Variants in NCAM2 observed in about 807,000 individuals in gnomAD.
NCAM2 encodes the protein neural cell adhesion molecule 2, also known as N-CAM-2.
NCAM2 carries 30 observed loss-of-function variants against 98.1 expected under a neutral mutation model. The observed-to-expected ratio is 0.31, with a 90% CI of 0.23 to 0.41. The LOEUF is 0.41. Among genes scored for constraint, NCAM2 ranks in the 10% least tolerant of loss-of-function variants. The probability of loss-of-function intolerance (pLI) is 1.00; values close to 1 mark genes in which losing one functional copy is unlikely to be tolerated. For missense variants in NCAM2, 867 were observed against 1,005.8 expected, an observed-to-expected ratio of 0.86 and a Z score of 1.87; for synonymous variants, 368 against 342.4, an observed-to-expected ratio of 1.07 and a Z score of -0.83.
At chr21:21,043,726 G>A (rs887242148) in intron 1 of NCAM2, among the ~76,000 whole-genome samples, 16 of 151,702 alleles carry the variant, frequency 1.1e-4, no homozygotes, top group African/African-American at 3.9e-4. Context: ...GTGGTGGCGG[G>A]CGCCTGTAGT....
At position 21,210,621 on chromosome 21, in the gene NCAM2, C is replaced by G. The variant is rs2069614328; in HGVS notation, c.56-69957C>G. ...TTGATTATCACAACAGGCAAGGTCTCTTTGTTGACTGGAAATACAACGAAG... is the reference window on the plus strand; with the variant it reads ...TTGATTATCACAACAGGCAAGGTCTGTTTGTTGACTGGAAATACAACGAAG... On this transcript the variant is annotated intron_variant, in intron 1 of 17. Coordinates refer to ENST00000400546, the MANE Select transcript of NCAM2 (RefSeq NM_004540.5). 5 of 1,287,268 alleles carry G rather than the reference C, an allele frequency of 3.9e-6. No homozygotes were observed. In the Admixed American group the frequency reaches 6.9e-5, roughly 18 times the overall value. The allele number at this position is 1,287,268 out of a possible 1,614,324, so 79.7% of individuals were successfully genotyped here.
chr21:21,409,995 T>G (rs1399357818), intron 9 of NCAM2, among the ~76,000 whole-genome samples: 1 of 152,030 alleles, frequency 6.6e-6, no homozygotes, highest in Non-Finnish European at 1.5e-5. Flanking sequence ...TAGCCTGGCT[T>G]GGTGGCGGGC....
intron 16 of NCAM2, among the ~76,000 whole-genome samples, chr21:21,520,880 G>A (rs1240894521): frequency 6.6e-6 from 1 of 151,278 alleles, no homozygotes; most frequent in Non-Finnish European, 1.5e-5. Flanking sequence ...AAAACTCCAG[G>A]ATGACTTAGT....
Position 21,108,971 on chromosome 21 carries a change from A to G in NCAM2, c.55+110353A>G, listed in dbSNP as rs934253260. On this transcript the variant is annotated intron_variant, in intron 1 of 17. Transcript: ENST00000400546. ...AGGAGTCCATATTTTCATTGACTACAGTTATGATAATGGTTTCTAGTTTTA... is the reference window on the plus strand; with the variant it reads ...AGGAGTCCATATTTTCATTGACTACGGTTATGATAATGGTTTCTAGTTTTA... 4.8e-4 allele frequency among the ~76,000 whole-genome samples: 73 copies of G among 152,306 alleles called. 1 individual carries two copies. Among genetic ancestry groups the G allele is most frequent in the African/African-American group, 1.7e-3 (70 of 41,584 alleles).
chr21:21,494,907 A>AT (rs35498969), intron 15 of NCAM2, among the ~76,000 whole-genome samples: 145,969 of 151,634 alleles, frequency 0.96, 70,495 homozygotes, highest in East Asian at 1. Flanking sequence ...TTTTTAGCCA[A>AT]TTTTTTTCAA....
intron 1 of NCAM2, among the ~76,000 whole-genome samples, chr21:21,209,928 A>G (rs1198747423): frequency 6.6e-6 from 1 of 152,146 alleles, no homozygotes; most frequent in Non-Finnish European, 1.5e-5. Context: ...AACATCCCGG[A>G]AAACTTGTCC....
intron 15 of NCAM2, among the ~76,000 whole-genome samples, chr21:21,486,287 G>A (rs1367504271): frequency 3.3e-5 from 4 of 122,290 alleles, no homozygotes; most frequent in African/African-American, 6.5e-5. Context: ...CTGGGCAACA[G>A]AGCGAGACTC....
chr21:21,210,736 A>C (rs2069620153), intron 1 of NCAM2: 34 of 976,456 alleles, frequency 3.5e-5, no homozygotes, highest in Non-Finnish European at 4.5e-5. Context: ...AAGGAATGTC[A>C]AAATGTCATT....
Position 21,335,535 on chromosome 21 carries a change from G to A in NCAM2, c.768G>A (p.Lys256=), listed in dbSNP as rs201388906. 3.1e-6 allele frequency: 5 copies of A among 1,604,874 alleles called. No individual in the cohort carries two copies. The Admixed American group carries it at 5.1e-5, about 16-fold the overall frequency. ...GCAAGCTCATTGAAGAAAATGAGAA[G>A]TACATATTGAAAGGGAGCAATACAG... ...RNGKLIEENE[K]YILKGSNTEL... is the part of the protein sequence containing the mutation. The change falls in exon 7 of 18, where the codon AAG becomes AAA. Residue 256 remains lysine (K), a synonymous_variant. Coordinates refer to ENST00000400546, the MANE Select transcript of NCAM2 (RefSeq NM_004540.5).
chr21:21,102,655 G>T (rs1270325326), intron 1 of NCAM2, among the ~76,000 whole-genome samples: 1 of 58,626 alleles, frequency 1.7e-5, no homozygotes, highest in East Asian at 4.7e-4. Flanking sequence ...TACTTGAGTT[G>T]TTAACATATG....
At chr21:21,334,121 T>C (rs990053820) in intron 6 of NCAM2, among the ~76,000 whole-genome samples, 57 of 152,146 alleles carry the variant, frequency 3.7e-4, no homozygotes, top group African/African-American at 1.3e-3. Context: ...TTAGTAGAGA[T>C]GGAGTTTCAC....
intron 1 of NCAM2, among the ~76,000 whole-genome samples, chr21:21,101,383 ATAACT>A (rs575730398): frequency 7.2e-4 from 109 of 152,148 alleles, no homozygotes; most frequent in Non-Finnish European, 1.2e-3. Flanking sequence ...TGTGATTTTG[ATAACT>A]TAAGATACTA....
chr21:21,412,448 G>A (rs1436998520), intron 10 of NCAM2, among the ~76,000 whole-genome samples: 3 of 152,156 alleles, frequency 2.0e-5, no homozygotes, highest in Admixed American at 1.3e-4. Context: ...ATTGAATTTC[G>A]TGAGTAAATG....
chr21:21,354,066 A>G (rs1205420469), intron 8 of NCAM2, among the ~76,000 whole-genome samples: 1 of 152,200 alleles, frequency 6.6e-6, no homozygotes, highest in Admixed American at 6.5e-5. Context: ...CATAACAGTA[A>G]GTAATTTTAT....
intron 1 of NCAM2, among the ~76,000 whole-genome samples, chr21:21,220,472 C>G (rs1477863921): frequency 1.3e-5 from 2 of 152,060 alleles, no homozygotes; most frequent in Non-Finnish European, 2.9e-5. Flanking sequence ...TTGTAGTACA[C>G]TATAGTGTCT....
intron 11 of NCAM2, 28 bp from the exon 12 acceptor site, chr21:21,432,080 T>A: frequency 6.2e-7 from 1 of 1,602,116 alleles, no homozygotes; most frequent in Non-Finnish European, 8.5e-7. Flanking sequence ...CCCTTGGTTA[T>A]GTTTTCTTTA....
At chr21:21,353,639 T>C (rs2075398886) in intron 8 of NCAM2, among the ~76,000 whole-genome samples, 1 of 152,202 alleles carries the variant, frequency 6.6e-6, no homozygotes, top group Non-Finnish European at 1.5e-5. Flanking sequence ...ATAGATTTCT[T>C]ATATCATCAT....
At chr21:21,512,232 G>A (rs764566640) in intron 16 of NCAM2, among the ~76,000 whole-genome samples, 7 of 151,964 alleles carry the variant, frequency 4.6e-5, no homozygotes, top group East Asian at 3.9e-4. Context: ...TTTGGTCTTC[G>A]ATTTAAGTCA....
At position 21,349,917 on chromosome 21, in the gene NCAM2, T is replaced by C. The variant is rs117394274; in HGVS notation, c.1044+11383T>C. 3.3e-3 allele frequency among the ~76,000 whole-genome samples: 508 copies of C among 152,236 alleles called. 4 individuals are homozygous for C. Among genetic ancestry groups the C allele is most frequent in the Non-Finnish European group, 6.3e-3 (428 of 67,988 alleles). ...AGATAATAGAAGAATGGTAACCAGA[T>C]GATGGGAAGTATAGTGAGGTGGGGC... is the stretch of plus-strand genomic sequence containing the variant. On this transcript the variant is annotated intron_variant, in intron 8 of 17. Transcript: ENST00000400546.
Sources: gnomAD v4.1 joint callset for allele counts (sites outside exome capture counted in the v4.1 genomes callset) on GRCh38, gnomAD v4.1.1 for gene constraint, MANE v1.5 for transcripts, NCBI Gene and HGNC (gene_info 2026-07-23, HGNC 2026-07-21) for gene names.